The following WDSUB1 variants were observed in gnomAD, a reference collection of about 807,000 sequenced individuals.
WDSUB1 encodes WD repeat, SAM and U-box domain-containing protein 1.
In WDSUB1, 49 loss-of-function variants were observed where a neutral mutation model predicts 53.9. The ratio of observed to expected loss-of-function variants is 0.91; its 90% confidence interval spans 0.72 to 1.15. The LOEUF (loss-of-function observed/expected upper bound fraction) is 1.15, where lower values mean the gene tolerates loss of function less well. Among genes scored for constraint, WDSUB1 ranks in the 50% most tolerant of loss-of-function variants. The probability of loss-of-function intolerance (pLI) is 0.00; values close to 1 mark genes in which losing one functional copy is unlikely to be tolerated. For missense variants in WDSUB1, 514 were observed against 562.0 expected, an observed-to-expected ratio of 0.91 and a Z score of 0.86; for synonymous variants, 194 against 200.6, an observed-to-expected ratio of 0.97 and a Z score of 0.28.
intron 3 of WDSUB1, among the ~76,000 whole-genome samples, chr2:159,278,017 C>T (rs1190863587): frequency 6.6e-6 from 1 of 151,942 alleles, no homozygotes. Flanking sequence ...TCTCTAAATG[C>T]AGGACAAAAA....
At chr2:159,240,351 G>T (rs917549508) in intron 10 of WDSUB1, among the ~76,000 whole-genome samples, 1 of 151,592 alleles carries the variant, frequency 6.6e-6, no homozygotes, top group Non-Finnish European at 1.5e-5. Flanking sequence ...CTTTTTGTAT[G>T]ATTATGTGTT....
intron 5 of WDSUB1, among the ~76,000 whole-genome samples, chr2:159,268,171 T>C (rs148793162): frequency 2.2e-3 from 331 of 152,370 alleles, no homozygotes; most frequent in African/African-American, 7.0e-3. Context: ...GGTCTTGCAG[T>C]GTTATTAGTT....
intron 3 of WDSUB1, among the ~76,000 whole-genome samples, chr2:159,277,887 C>T (rs1013163287): frequency 1.3e-5 from 2 of 151,946 alleles, no homozygotes; most frequent in Non-Finnish European, 2.9e-5. Context: ...AAAATTATAC[C>T]GAGAGAAGTG....
intron 3 of WDSUB1, among the ~76,000 whole-genome samples, chr2:159,277,436 T>A (rs1329162400): frequency 1.3e-5 from 2 of 152,214 alleles, no homozygotes; most frequent in Non-Finnish European, 2.9e-5. Context: ...TCTGAAGTTC[T>A]CTAAGTAGTG....
intron 3 of WDSUB1, among the ~76,000 whole-genome samples, chr2:159,279,028 T>A (rs1412463544): frequency 6.6e-6 from 1 of 152,204 alleles, no homozygotes; most frequent in African/African-American, 2.4e-5. Context: ...TATTATCAAT[T>A]ATTGAAACTA....
chr2:159,239,486 CCCTTT>C (rs1247629011), intron 10 of WDSUB1, among the ~76,000 whole-genome samples: 1 of 152,086 alleles, frequency 6.6e-6, no homozygotes, highest in Non-Finnish European at 1.5e-5. Flanking sequence ...AAGGGTTTTT[CCCTTT>C]CAAGTTTTTT....
intron 10 of WDSUB1, among the ~76,000 whole-genome samples, chr2:159,247,744 CAACT>C (rs2060831820): frequency 6.6e-6 from 1 of 150,612 alleles, no homozygotes; most frequent in Non-Finnish European, 1.5e-5. Flanking sequence ...ACATACACAC[CAACT>C]AACAGAAAAG....
At chr2:159,265,878 G>T (rs186766046) in intron 5 of WDSUB1, among the ~76,000 whole-genome samples, 1 of 152,194 alleles carries the variant, frequency 6.6e-6, no homozygotes. Context: ...AACCTCTTGC[G>T]TATTTTGCTA....
At chr2:159,262,518 G>GAA (rs11446787) in intron 5 of WDSUB1, among the ~76,000 whole-genome samples, 9 of 149,382 alleles carry the variant, frequency 6.0e-5, no homozygotes, top group Non-Finnish European at 7.4e-5. Flanking sequence ...TGAATCCATG[G>GAA]AAAAAAAAAC....
At chr2:159,280,944 T>C (rs2061652022) in intron 2 of WDSUB1, among the ~76,000 whole-genome samples, 1 of 152,178 alleles carries the variant, frequency 6.6e-6, no homozygotes, top group South Asian at 2.1e-4. Flanking sequence ...AGTTATGCTA[T>C]AGAGCCAGAA....
intron 10 of WDSUB1, among the ~76,000 whole-genome samples, chr2:159,237,042 T>C (rs2151026689): frequency 6.6e-6 from 1 of 152,378 alleles, no homozygotes; most frequent in East Asian, 1.9e-4. Context: ...CTGAAAATCT[T>C]GGTTCCTGAT....
chr2:159,271,870 CTTAT>C (rs1245312119), intron 4 of WDSUB1, 75 bp from the exon 5 acceptor site: 43 of 1,195,992 alleles, frequency 3.6e-5, no homozygotes, highest in African/African-American at 1.8e-4. Context: ...CACCATTTCA[CTTAT>C]TTATTTAACA....
At chr2:159,281,283 G>A (rs996553082) in intron 2 of WDSUB1, among the ~76,000 whole-genome samples, 1 of 152,034 alleles carries the variant, frequency 6.6e-6, no homozygotes, top group Non-Finnish European at 1.5e-5. Flanking sequence ...CAGTCACTCA[G>A]GCTGGGGTAC....
intron 5 of WDSUB1, among the ~76,000 whole-genome samples, chr2:159,270,164 T>C (rs2061420261): frequency 6.6e-6 from 1 of 152,192 alleles, no homozygotes; most frequent in Non-Finnish European, 1.5e-5. Flanking sequence ...ACATCTTTTA[T>C]ATACTAACAA....
intron 2 of WDSUB1, among the ~76,000 whole-genome samples, 159 bp downstream of exon 2, chr2:159,282,513 T>G (rs991468350): frequency 6.6e-6 from 1 of 152,192 alleles, no homozygotes; most frequent in Admixed American, 6.5e-5. Context: ...TTTTTCCTTG[T>G]GCTACCTGAA....
At chr2:159,240,555 A>T (rs1455779998) in intron 10 of WDSUB1, among the ~76,000 whole-genome samples, 1 of 152,192 alleles carries the variant, frequency 6.6e-6, no homozygotes, top group Non-Finnish European at 1.5e-5. Context: ...AATGACACTG[A>T]CCGTCTTTTG....
At chr2:159,243,885 A>G (rs1033179421) in intron 10 of WDSUB1, among the ~76,000 whole-genome samples, 3 of 152,228 alleles carry the variant, frequency 2.0e-5, no homozygotes, top group African/African-American at 7.2e-5. Flanking sequence ...CACACAATGG[A>G]CTTCTATACA....
At chr2:159,275,432 A>C (rs575447401) in intron 4 of WDSUB1, 114 bp downstream of exon 4, 1 of 816,626 alleles carries the variant, frequency 1.2e-6, no homozygotes, top group Admixed American at 2.9e-5. Flanking sequence ...AGTTTCTTAA[A>C]CCATATTTTA....
At chr2:159,285,868 A>G (rs550107199) in intron 1 of WDSUB1, among the ~76,000 whole-genome samples, 1 of 152,272 alleles carries the variant, frequency 6.6e-6, no homozygotes, top group South Asian at 2.1e-4. Flanking sequence ...GCTGTCTTGA[A>G]AACAATCAAG....
Sources: gnomAD v4.1 joint callset for allele counts (sites outside exome capture counted in the v4.1 genomes callset) on GRCh38, gnomAD v4.1.1 for gene constraint, MANE v1.5 for transcripts, NCBI Gene and HGNC (gene_info 2026-07-23, HGNC 2026-07-21) for gene names.